Variants in CELF2 observed in about 807,000 individuals in gnomAD.
The protein encoded by CELF2 is CUG triplet repeat RNA-binding protein 2.
Under a neutral mutation model 62.6 loss-of-function variants are expected in CELF2, and 8 were observed. The observed-to-expected ratio is 0.13, with a 90% CI of 0.07 to 0.23. The LOEUF (loss-of-function observed/expected upper bound fraction) is 0.23, where lower values mean the gene tolerates loss of function less well. Ranked by LOEUF, CELF2 falls within the 10% of genes least tolerant of loss-of-function variation. The pLI, the probability that CELF2 is intolerant of heterozygous loss-of-function variation, is 1.00. For synonymous variants in CELF2, 258 were observed against 250.0 expected, an observed-to-expected ratio of 1.03 and a Z score of -0.30; for missense variants, 333 against 671.0, an observed-to-expected ratio of 0.50 and a Z score of 5.56.
At chr10:11,265,911 G>A (rs1448688227) in intron 5 of CELF2, among the ~76,000 whole-genome samples, 2 of 152,096 alleles carry the variant, frequency 1.3e-5, no homozygotes, top group African/African-American at 2.4e-5. Flanking sequence ...AAATGACAAT[G>A]CACGTTTTTT....
chr10:11,290,910 T>C lies in CELF2; in HGVS notation c.976+2358T>C, dbSNP rs1268294082. 6.6e-6 allele frequency among the ~76,000 whole-genome samples: 1 copy of C among 152,214 alleles called. No homozygotes were observed. The highest frequency in any genetic ancestry group is 1.5e-5 in the Non-Finnish European group (1 of 68,040). On this transcript the variant is annotated intron_variant, in intron 9 of 12. Coordinates refer to ENST00000633077, the MANE Select transcript of CELF2 (RefSeq NM_001326342.2). This position sits in a 1 kb window ranked among gnomAD's most constrained non-coding sequence, Gnocchi z 4.3. ...ATTTTTCTTAAGTGTAACTAAAAAA[T>C]CTGATGTTTAAGTGAAAGTAAATTA...
rs958130163 is a variant in CELF2 at position 11,145,996 on chromosome 10, T to G, written c.75-19490T>G. On this transcript the variant is annotated intron_variant, in intron 1 of 12. Coordinates refer to ENST00000633077, the MANE Select transcript of CELF2 (RefSeq NM_001326342.2). The surrounding 1 kb of genome is among the most constrained non-coding windows in gnomAD (Gnocchi z 4.3). ...ACTCTCCTCTGGTACTTTTAGACGG[T>G]GTAAAACATTTCACTAAATCCTTAC... Among the ~76,000 whole-genome samples, 1 of 152,214 alleles carries G rather than the reference T, an allele frequency of 6.6e-6. No homozygotes were observed. The highest frequency in any genetic ancestry group is 2.4e-5 in the African/African-American group (1 of 41,452).
At chr10:10,858,663 T>C (rs2059887668) in intron 1 of CELF2, among the ~76,000 whole-genome samples, 2 of 152,064 alleles carry the variant, frequency 1.3e-5, no homozygotes, top group Admixed American at 6.6e-5. Context: ...CAGTCCATTA[T>C]CCAGTGCCAG....
At chr10:10,869,811 A>G (rs984269473) in intron 1 of CELF2, among the ~76,000 whole-genome samples, 1 of 152,150 alleles carries the variant, frequency 6.6e-6, no homozygotes, top group Non-Finnish European at 1.5e-5. Context: ...AAAACCGGCC[A>G]TGAGTCATTA....
the CELF2 span, among the ~76,000 whole-genome samples, chr10:10,677,082 G>A: frequency 6.6e-6 from 1 of 152,184 alleles, no homozygotes; most frequent in African/African-American, 2.4e-5. Context: ...CTTGACAGCT[G>A]TAAAATAATG....
intron 1 of CELF2, among the ~76,000 whole-genome samples, chr10:11,140,859 A>G (rs934659542): frequency 2.6e-5 from 4 of 152,164 alleles, no homozygotes; most frequent in African/African-American, 9.7e-5. Context: ...TCTACAAAAA[A>G]TTTAAAAATT....
At chr10:10,497,908 A>AT in the CELF2 span, among the ~76,000 whole-genome samples, 9 of 152,232 alleles carry the variant, frequency 5.9e-5, no homozygotes. Context: ...TCTGTTGAGA[A>AT]TAAATAGACG....
intron 2 of CELF2, chr10:10,922,989 A>G (rs752134713): frequency 2.0e-5 from 3 of 152,084 alleles, no homozygotes; most frequent in Non-Finnish European, 4.4e-5. Context: ...TTCTTTTGCT[A>G]GTGTTTGTTT....
At chr10:10,514,229 T>C in the CELF2 span, among the ~76,000 whole-genome samples, 10 of 152,238 alleles carry the variant, frequency 6.6e-5, no homozygotes, top group Admixed American at 2.0e-4. Context: ...GTTTGGAATA[T>C]TATAAGTATA....
rs950809572 is a variant in CELF2 at position 11,075,328 on chromosome 10, C to A, written c.74+57165C>A. 6.6e-6 allele frequency: 1 copy of A among 152,104 alleles called. No homozygotes were observed. The highest frequency in any genetic ancestry group is 6.6e-5 in the Admixed American group (1 of 15,258). The allele number at this position is 152,104 out of a possible 1,614,324, so 9.4% of individuals were successfully genotyped here. The stretch of plus-strand genomic sequence containing the variant: ...AGCATTCCTCTTCTCTCCCCGCCCC[C>A]GTCTCTTCTAAAACAGAAAAAAAGA... On this transcript the variant is annotated intron_variant, in intron 1 of 12. Coordinates refer to ENST00000633077, the MANE Select transcript of CELF2 (RefSeq NM_001326342.2). This position sits in a 1 kb window ranked among gnomAD's most constrained non-coding sequence, Gnocchi z 5.4.
the CELF2 span, among the ~76,000 whole-genome samples, chr10:10,605,073 A>G: frequency 6.6e-6 from 1 of 152,250 alleles, no homozygotes; most frequent in Non-Finnish European, 1.5e-5. Flanking sequence ...CATATACACC[A>G]TGGAATACTA....
chr10:10,786,326 A>G, the CELF2 span, among the ~76,000 whole-genome samples: 1 of 152,074 alleles, frequency 6.6e-6, no homozygotes, highest in Non-Finnish European at 1.5e-5. Flanking sequence ...TCTCCTTTGG[A>G]CTCACTATAC....
At position 11,280,460 on chromosome 10, in the gene CELF2, C is replaced by T. The variant is rs1439465730; in HGVS notation, c.841+5340C>T. Among the ~76,000 whole-genome samples, 2 of 152,192 alleles carry T rather than the reference C, an allele frequency of 1.3e-5. No homozygotes were observed. The highest frequency in any genetic ancestry group is 2.1e-4 in the South Asian group (1 of 4,826). ...CATAGGAGGGGAAGGCAGGCAGGTG[C>T]GATGTCCACGTTCCGGGTGATGGCG... On this transcript the variant is annotated intron_variant, in intron 8 of 12. Coordinates refer to ENST00000633077, the MANE Select transcript of CELF2 (RefSeq NM_001326342.2). This position sits in a 1 kb window ranked among gnomAD's most constrained non-coding sequence, Gnocchi z 7.6.
At chr10:11,261,652 C>T (rs1374177183) in intron 5 of CELF2, among the ~76,000 whole-genome samples, 1 of 152,140 alleles carries the variant, frequency 6.6e-6, no homozygotes, top group Non-Finnish European at 1.5e-5. Flanking sequence ...TGCGTTTCTC[C>T]CTTTGGGGAA....
intron 11 of CELF2, among the ~76,000 whole-genome samples, chr10:11,323,680 T>A (rs1167614334): frequency 6.6e-6 from 1 of 151,930 alleles, no homozygotes; most frequent in Non-Finnish European, 1.5e-5. Context: ...GTGAGAGAGA[T>A]AAAACATGAA....
At chr10:10,914,899 C>T (rs11256906) in intron 1 of CELF2, among the ~76,000 whole-genome samples, 11,559 of 152,006 alleles carry the variant, frequency 0.076, 1,063 homozygotes, top group African/African-American at 0.22. Flanking sequence ...GAGGCCGAGG[C>T]GGGTGGATCA....
At chr10:10,797,169 C>A (rs2054189369), upstream of CELF2, among the ~76,000 whole-genome samples, 1 of 152,134 alleles carries the variant, frequency 6.6e-6, no homozygotes, top group Non-Finnish European at 1.5e-5. Flanking sequence ...CATCTTCCCC[C>A]CAGGAAAGAA....
rs527324000 is a variant in CELF2, at chr10:11,223,101, A to G, written c.354+5594A>G. Reference sequence around the variant, plus strand: ...ACGATCTCAGTTCCTTGGTGTAATTATAATTCTTTGTTTATGGGTGCTTTG... The same window carrying G: ...ACGATCTCAGTTCCTTGGTGTAATTGTAATTCTTTGTTTATGGGTGCTTTG... On this transcript the variant is annotated intron_variant, in intron 3 of 12. Transcript: ENST00000633077. This position sits in a 1 kb window ranked among gnomAD's most constrained non-coding sequence, Gnocchi z 5.1. Among the ~76,000 whole-genome samples, 24 of 152,334 alleles carry G rather than the reference A, an allele frequency of 1.6e-4. No homozygotes were observed. Among genetic ancestry groups the G allele is most frequent in the Middle Eastern group, 3.4e-3 (1 of 294 alleles).
chr10:10,751,733 T>G, the CELF2 span, among the ~76,000 whole-genome samples: 1 of 152,232 alleles, frequency 6.6e-6, no homozygotes, highest in East Asian at 1.9e-4. Context: ...AATCTCGTAC[T>G]GCTTTGGGAA....
Sources: allele counts gnomAD v4.1 joint callset (sites outside exome capture counted in the v4.1 genomes callset), GRCh38; gene constraint gnomAD v4.1.1; non-coding constraint Gnocchi (gnomAD v3.1); transcripts MANE v1.5; gene names NCBI Gene and HGNC (gene_info 2026-07-23, HGNC 2026-07-21).